Variants in GSG1L observed in about 807,000 individuals in gnomAD.
GSG1L encodes GSG1 like, also known as germ cell-specific gene 1-like protein.
In GSG1L, 24 loss-of-function variants were observed where a neutral mutation model predicts 42.1. The observed-to-expected ratio is 0.57, with a 90% confidence interval of 0.41 to 0.80. GSG1L has a LOEUF of 0.80. Ranked by LOEUF, GSG1L falls within the 30% of genes least tolerant of loss-of-function variation. The probability of loss-of-function intolerance (pLI) is 0.00; values close to 1 mark genes in which losing one functional copy is unlikely to be tolerated. For missense variants in GSG1L, 445 were observed against 472.2 expected (o/e 0.94, Z 0.53); for synonymous variants, 215 against 203.5 (o/e 1.06, Z -0.48).
intron 2 of GSG1L, among the ~76,000 whole-genome samples, chr16:27,928,519 AAACAAAAC>A (rs1298796999): frequency 2.6e-4 from 10 of 39,136 alleles, no homozygotes; most frequent in Admixed American, 6.7e-4. Flanking sequence ...AAAGAAAAGA[AAACAAAAC>A]AAAACAAAAC....
chr16:27,813,308 G>A (rs2083055815), intron 5 of GSG1L, among the ~76,000 whole-genome samples: 1 of 137,548 alleles, frequency 7.3e-6, no homozygotes, highest in South Asian at 2.3e-4. Flanking sequence ...TCACTTATAT[G>A]TAAGAACACG....
chr16:27,808,333 T>G (rs1283399059), intron 5 of GSG1L, among the ~76,000 whole-genome samples: 3 of 152,096 alleles, frequency 2.0e-5, no homozygotes, highest in Non-Finnish European at 2.9e-5. Context: ...GGGATCCTCC[T>G]GCGTCTGCCT....
intron 1 of GSG1L, among the ~76,000 whole-genome samples, chr16:27,984,499 C>A (rs998726830): frequency 2.2e-4 from 34 of 152,056 alleles, no homozygotes; most frequent in Non-Finnish European, 7.4e-5. Context: ...GACGGAAGCC[C>A]AGCTAGCAAC....
intron 1 of GSG1L, among the ~76,000 whole-genome samples, chr16:27,971,069 G>C (rs2085188252): frequency 6.6e-6 from 1 of 152,108 alleles, no homozygotes; most frequent in African/African-American, 2.4e-5. Context: ...TTTGAAATTG[G>C]AAAATGTGGG....
At chr16:27,841,984 T>G (rs2083386583) in intron 4 of GSG1L, among the ~76,000 whole-genome samples, 1 of 152,234 alleles carries the variant, frequency 6.6e-6, no homozygotes, top group African/African-American at 2.4e-5. Context: ...CATCTGCATA[T>G]GCAACACGAG....
In GSG1L at chr16:27,789,435, G is replaced by T. The variant is rs1261154816; in HGVS notation, c.*1935C>A. On this transcript the variant is annotated 3_prime_UTR_variant, in exon 7 of 7. Transcript: ENST00000447459. ...ATGGATAATGGATAGATGGAGGGAT[G>T]ATGGCTGATGAATGATGGATAAAGG... The T allele has an allele frequency of 6.6e-6, 1 of 151,686 alleles. No homozygotes were observed. The highest frequency in any genetic ancestry group is 1.5e-5 in the Non-Finnish European group (1 of 67,908). The allele number at this position is 151,686 out of a possible 1,614,324, so 9.4% of individuals were successfully genotyped here. A position where few individuals can be genotyped will look rare whatever the true frequency, so the allele number is the denominator to read the frequency against.
chr16:27,856,758 A>G (rs150864267), intron 3 of GSG1L, among the ~76,000 whole-genome samples: 40 of 152,340 alleles, frequency 2.6e-4, no homozygotes, highest in African/African-American at 9.4e-4. Flanking sequence ...TGATTTAGAG[A>G]AAATGCGAAG....
chr16:27,864,926 G>A (rs532694719), intron 3 of GSG1L, among the ~76,000 whole-genome samples: 56 of 152,274 alleles, frequency 3.7e-4, no homozygotes, highest in African/African-American at 1.0e-3. Flanking sequence ...AACATTCACA[G>A]AGGCTCCCAC....
At chr16:27,811,516 C>G (rs991126772) in intron 5 of GSG1L, among the ~76,000 whole-genome samples, 1 of 152,228 alleles carries the variant, frequency 6.6e-6, no homozygotes, top group East Asian at 1.9e-4. Flanking sequence ...TCCCTGGCCA[C>G]ATCCAGCACC....
At chr16:27,870,297 A>ATC (rs1244283452) in intron 3 of GSG1L, among the ~76,000 whole-genome samples, 2 of 98,464 alleles carry the variant, frequency 2.0e-5, no homozygotes, top group African/African-American at 8.5e-5. Context: ...CTCTGTCTCC[A>ATC]TCTCTCTCTC....
At chr16:27,953,290 G>A (rs1366509633) in intron 2 of GSG1L, among the ~76,000 whole-genome samples, 1 of 152,066 alleles carries the variant, frequency 6.6e-6, no homozygotes, top group Non-Finnish European at 1.5e-5. Flanking sequence ...GGGTCTTGCT[G>A]TTTTGCCCAG....
chr16:27,856,776 T>C (rs571614038), intron 3 of GSG1L, among the ~76,000 whole-genome samples: 1 of 152,330 alleles, frequency 6.6e-6, no homozygotes, highest in South Asian at 2.1e-4. Context: ...AAGTGAACAT[T>C]GTACCTTGGG....
chr16:27,880,908 C>T (rs968886322), intron 3 of GSG1L, among the ~76,000 whole-genome samples: 13 of 152,038 alleles, frequency 8.6e-5, no homozygotes, highest in Non-Finnish European at 1.3e-4. Flanking sequence ...GCCTGCCCCC[C>T]GAGACATCAT....
chr16:27,928,959 G>A (rs2084627224), intron 2 of GSG1L, among the ~76,000 whole-genome samples: 1 of 152,216 alleles, frequency 6.6e-6, no homozygotes, highest in South Asian at 2.1e-4. Flanking sequence ...AAGGTGCAGG[G>A]ACCTGGGAAA....
intron 1 of GSG1L, among the ~76,000 whole-genome samples, chr16:28,043,547 T>C (rs1435209476): frequency 6.6e-6 from 1 of 152,156 alleles, no homozygotes; most frequent in Non-Finnish European, 1.5e-5. Context: ...TGAAGATGGG[T>C]AGCCTGCATG....
chr16:28,063,119 G>A lies in GSG1L; in HGVS notation c.306C>T (p.His102=). The A allele has an allele frequency of 6.9e-7, 1 of 1,441,940 alleles. No homozygotes were observed. Among genetic ancestry groups the A allele is most frequent in the South Asian group, 1.3e-5 (1 of 75,848 alleles). 89.3% of individuals were successfully genotyped at this position (1,441,940 alleles called of 1,614,324 possible). A position where few individuals can be genotyped will look rare whatever the true frequency, so the allele number is the denominator to read the frequency against. Residue 102 remains histidine (H), a synonymous_variant, in exon 1 of 7, where the codon CAC becomes CAT. Coordinates refer to ENST00000447459, the MANE Select transcript of GSG1L (RefSeq NM_001109763.2). This position sits in a 1 kb window ranked among gnomAD's most constrained non-coding sequence, Gnocchi z 5.8. ...CCTCGCACGAGTACCAGATGCCGGT[G>A]TGGAAATTCCTGAAGAGGAAGCGGT... The part of the protein sequence containing the change: ...GDDRFLFRNF[H]TGIWYSCEEE...
At chr16:27,888,342 T>G (rs1022035263) in intron 2 of GSG1L, among the ~76,000 whole-genome samples, 4 of 152,204 alleles carry the variant, frequency 2.6e-5, no homozygotes, top group Admixed American at 2.6e-4. Context: ...CATGGGGAAA[T>G]AGGCACGGGT....
chr16:28,008,839 C>G (rs191707086), intron 1 of GSG1L, among the ~76,000 whole-genome samples: 16 of 151,912 alleles, frequency 1.1e-4, no homozygotes, highest in African/African-American at 3.9e-4. Flanking sequence ...GACAGAGTCT[C>G]GATTTGTCAC....
At chr16:27,972,195 T>C (rs2085200769) in intron 1 of GSG1L, among the ~76,000 whole-genome samples, 1 of 152,246 alleles carries the variant, frequency 6.6e-6, no homozygotes, top group African/African-American at 2.4e-5. Context: ...ACACTTCCAT[T>C]TCTGCTACAT....
Sources: allele counts gnomAD v4.1 joint callset (sites outside exome capture counted in the v4.1 genomes callset), GRCh38; gene constraint gnomAD v4.1.1; non-coding constraint Gnocchi (gnomAD v3.1); transcripts MANE v1.5; gene names NCBI Gene and HGNC (gene_info 2026-07-23, HGNC 2026-07-21).